Variants in ITCH observed in about 807,000 individuals in gnomAD.
ITCH encodes E3 ubiquitin-protein ligase Itchy homolog.
Under a neutral mutation model 126.8 loss-of-function variants are expected in ITCH, and 28 were observed. The ratio of observed to expected loss-of-function variants is 0.22; its 90% confidence interval spans 0.16 to 0.30. The LOEUF is 0.30. ITCH is among the 10% of genes least tolerant of loss of function. ITCH has a pLI of 1.00. For missense variants in ITCH, 631 were observed against 1,032.4 expected (o/e 0.61, Z 5.33); for synonymous variants, 342 against 340.0 (o/e 1.01, Z -0.06).
intron 6 of ITCH, among the ~76,000 whole-genome samples, chr20:34,422,678 G>T (rs1390147908): frequency 1.3e-5 from 2 of 152,036 alleles, no homozygotes; most frequent in African/African-American, 4.8e-5. Context: ...TTAAGTGAGG[G>T]ATTCAACTAT....
At chr20:34,447,806 A>G (rs753622552) in intron 11 of ITCH, among the ~76,000 whole-genome samples, 2 of 152,172 alleles carry the variant, frequency 1.3e-5, no homozygotes, top group Non-Finnish European at 2.9e-5. Context: ...AAGAGTTATT[A>G]TATCAGTAGT....
At chr20:34,476,127 A>G (rs545186305) in intron 16 of ITCH, 2 of 864,842 alleles carry the variant, frequency 2.3e-6, no homozygotes, top group South Asian at 1.3e-5. Context: ...CAAAGATGAG[A>G]TGACAGGTTA....
At chr20:34,444,067 C>T (rs1347995617) in intron 10 of ITCH, among the ~76,000 whole-genome samples, 1 of 152,058 alleles carries the variant, frequency 6.6e-6, no homozygotes, top group East Asian at 1.9e-4. Context: ...AGAAACAATT[C>T]AAAGGAAGAA....
intron 1 of ITCH, among the ~76,000 whole-genome samples, chr20:34,369,181 A>G (rs1400259552): frequency 6.6e-6 from 1 of 152,162 alleles, no homozygotes; most frequent in Non-Finnish European, 1.5e-5. Context: ...TACGAAAGTT[A>G]GCCAGGCGTG....
At chr20:34,473,336 A>G (rs1370796127) in intron 16 of ITCH, among the ~76,000 whole-genome samples, 1 of 152,124 alleles carries the variant, frequency 6.6e-6, no homozygotes, top group Non-Finnish European at 1.5e-5. Flanking sequence ...GGATTTATTT[A>G]TAGTAAAGAT....
At chr20:34,397,311 G>A (rs1229567438) in intron 3 of ITCH, among the ~76,000 whole-genome samples, 4 of 152,150 alleles carry the variant, frequency 2.6e-5, no homozygotes, top group East Asian at 1.9e-4. Flanking sequence ...GTGAGCCACC[G>A]CGTCCGGCCT....
chr20:34,456,633 C>A (rs1219836660), intron 12 of ITCH, among the ~76,000 whole-genome samples: 161 of 126,556 alleles, frequency 1.3e-3, no homozygotes, highest in East Asian at 1.9e-3. Context: ...ACCTTGTCTC[C>A]AAAAAAAAAA....
chr20:34,413,827 G>T lies in ITCH; in HGVS notation c.423G>T (p.Gly141=), dbSNP rs1979406722. 4 of 1,613,666 alleles carry T rather than the reference G, an allele frequency of 2.5e-6. No individual in the cohort carries two copies. Among genetic ancestry groups the T allele is most frequent in the African/African-American group, 1.3e-5 (1 of 74,894 alleles). ...GAGACTTGTCAATTTGTCTTGATGGGCTACAGTTAGAGTCTGAAGTTGTTA... is the reference window on the plus strand; with the variant it reads ...GAGACTTGTCAATTTGTCTTGATGGTCTACAGTTAGAGTCTGAAGTTGTTA... The part of the protein sequence containing the change: ...TIGDLSICLD[G]LQLESEVVTN... Residue 141 remains glycine (G), a synonymous_variant, in exon 6 of 25, where the codon GGG becomes GGT. Transcript: ENST00000374864.
intron 2 of ITCH, among the ~76,000 whole-genome samples, chr20:34,370,056 A>T (rs966431456): frequency 2.0e-5 from 3 of 151,116 alleles, no homozygotes; most frequent in Non-Finnish European, 2.9e-5. Flanking sequence ...GTAAGCCATG[A>T]TCACGCCACT....
At chr20:34,458,781 A>G (rs1287569383) in intron 13 of ITCH, among the ~76,000 whole-genome samples, 1 of 152,276 alleles carries the variant, frequency 6.6e-6, no homozygotes, top group East Asian at 1.9e-4. Flanking sequence ...GTTTATAAGG[A>G]CGTCAGTCCT....
At chr20:34,423,137 G>T (rs1364619346) in intron 6 of ITCH, among the ~76,000 whole-genome samples, 1 of 152,048 alleles carries the variant, frequency 6.6e-6, no homozygotes, top group Non-Finnish European at 1.5e-5. Flanking sequence ...CTGGACATTT[G>T]TATAAATGGA....
intron 6 of ITCH, among the ~76,000 whole-genome samples, chr20:34,415,548 ACTCT>A (rs200470258): frequency 6.6e-6 from 1 of 151,702 alleles, no homozygotes; most frequent in East Asian, 1.9e-4. Context: ...ACAGAGTGAG[ACTCT>A]CTCTCAAAAA....
intron 2 of ITCH, among the ~76,000 whole-genome samples, chr20:34,372,562 A>G (rs963541144): frequency 1.3e-5 from 2 of 151,066 alleles, no homozygotes; most frequent in Non-Finnish European, 3.0e-5. Flanking sequence ...TTGTATTTTT[A>G]GTAGAGATGG....
At chr20:34,479,811 T>G in intron 18 of ITCH, 22 bp downstream of exon 18, 2 of 1,607,710 alleles carry the variant, frequency 1.2e-6, no homozygotes, top group Non-Finnish European at 1.7e-6. Context: ...TCAAGAATTA[T>G]GTTTACTTTG....
intron 20 of ITCH, among the ~76,000 whole-genome samples, chr20:34,487,271 C>T (rs1046806466): frequency 2.0e-5 from 3 of 152,086 alleles, no homozygotes; most frequent in East Asian, 1.9e-4. Flanking sequence ...CTCAGCCTCC[C>T]GAAGTGCTGG....
intron 10 of ITCH, among the ~76,000 whole-genome samples, chr20:34,443,712 C>T (rs1984068138): frequency 6.6e-6 from 1 of 152,104 alleles, no homozygotes; most frequent in African/African-American, 2.4e-5. Flanking sequence ...GGGCTGGGCA[C>T]AGTGGCTGAT....
chr20:34,504,399 A>G lies in ITCH; in HGVS notation c.2485A>G (p.Thr829Ala). Residue 829 changes from threonine to alanine, a missense_variant, in exon 24 of 25, where the codon ACC (threonine) becomes GCC (alanine). Thr to Ala is a moderately conservative substitution (Grantham distance 58). Transcript: ENST00000374864. ...AGAAAATTGGCTACCCAGAAGTCAT[A>G]CCTGGTAAGTACAATCAGAATGGAT... The part of the protein sequence containing the change: ...GKENWLPRSH[T>A]CFNRLDLPPY... The G allele has an allele frequency of 1.9e-6, 3 of 1,603,678 alleles. No individual in the cohort carries two copies. The highest frequency in any genetic ancestry group is 2.6e-6 in the Non-Finnish European group (3 of 1,170,516).
chr20:34,368,016 AT>A (rs1463080895), intron 1 of ITCH, among the ~76,000 whole-genome samples: 2 of 152,144 alleles, frequency 1.3e-5, no homozygotes, highest in Non-Finnish European at 2.9e-5. Flanking sequence ...CATGCCTGTA[AT>A]CCCAGCATTT....
At chr20:34,492,653 C>T (rs143785732) in intron 23 of ITCH, 56 bp downstream of exon 23, 177 of 1,099,320 alleles carry the variant, frequency 1.6e-4, no homozygotes, top group Non-Finnish European at 2.2e-4. Context: ...TGCTGCTTTA[C>T]GTAAATGTGT....
Sources: gnomAD v4.1 joint callset for allele counts (sites outside exome capture counted in the v4.1 genomes callset) on GRCh38, gnomAD v4.1.1 for gene constraint, MANE v1.5 for transcripts, NCBI Gene and HGNC (gene_info 2026-07-23, HGNC 2026-07-21) for gene names.